The following LARGE1 variants were observed in gnomAD, a reference collection of about 807,000 sequenced individuals.
LARGE1 encodes xylosyl- and glucuronyltransferase LARGE1.
Under a neutral mutation model 87.6 loss-of-function variants are expected in LARGE1, and 43 were observed. The observed-to-expected ratio is 0.49, with a 90% CI of 0.38 to 0.63. The LOEUF is 0.63. Among genes scored for constraint, LARGE1 ranks in the 30% least tolerant of loss-of-function variants. The pLI, the probability that LARGE1 is intolerant of heterozygous loss-of-function variation, is 0.00. For synonymous variants in LARGE1, 434 were observed against 394.6 expected (o/e 1.10, Z -1.18); for missense variants, 802 against 1,000.2 (o/e 0.80, Z 2.67).
intron 6 of LARGE1, among the ~76,000 whole-genome samples, chr22:33,484,428 G>A (rs1405123163): frequency 6.6e-6 from 1 of 152,130 alleles, no homozygotes; most frequent in African/African-American, 2.4e-5. Context: ...AATGTTTCTG[G>A]AAAACAAATG....
In LARGE1 at chr22:33,537,134, C is replaced by G. The variant is rs557663152; in HGVS notation, c.787+27714G>C. ...TGAAAGGCCATTTAAAGAAGTGTGTCAGTTTTCCTATTCCTTCTGTACCAC... is the reference window on the plus strand; with the variant it reads ...TGAAAGGCCATTTAAAGAAGTGTGTGAGTTTTCCTATTCCTTCTGTACCAC... On this transcript the variant is annotated intron_variant, in intron 6 of 14. Transcript: ENST00000397394. Among the ~76,000 whole-genome samples, 4 of 152,320 alleles carry G rather than the reference C, an allele frequency of 2.6e-5. No individual in the cohort carries two copies. The East Asian group carries it at 7.7e-4, about 29-fold the overall frequency.
chr22:33,343,656 T>G (rs976981638), intron 9 of LARGE1, among the ~76,000 whole-genome samples: 1 of 152,142 alleles, frequency 6.6e-6, no homozygotes, highest in African/African-American at 2.4e-5. Flanking sequence ...ATGAATGTGA[T>G]TGTGGGATCA....
chr22:33,565,121 T>C, intron 5 of LARGE1, 102 bp from the exon 6 acceptor site: 1 of 1,038,650 alleles, frequency 9.6e-7, no homozygotes, highest in Admixed American at 2.1e-5. Flanking sequence ...ACACAAAAAG[T>C]ATCCAATAAA....
At chr22:33,106,676 A>G in the LARGE1 span, among the ~76,000 whole-genome samples, 2 of 152,062 alleles carry the variant, frequency 1.3e-5, no homozygotes, top group African/African-American at 2.4e-5. Flanking sequence ...TTGTATTATT[A>G]GTAGAAATGG....
intron 11 of LARGE1, among the ~76,000 whole-genome samples, chr22:33,190,166 C>T (rs1923703144): frequency 6.6e-6 from 1 of 151,956 alleles, no homozygotes; most frequent in Admixed American, 6.6e-5. Context: ...TTAGCAGCAG[C>T]TCAATAGTGC....
At chr22:33,829,077 C>T (rs1268326086) in intron 1 of LARGE1, among the ~76,000 whole-genome samples, 3 of 137,102 alleles carry the variant, frequency 2.2e-5, no homozygotes, top group Admixed American at 8.5e-5. Context: ...GGCGTGATCT[C>T]GGCTCACTGC....
At chr22:33,706,716 T>C (rs1451932897) in intron 2 of LARGE1, among the ~76,000 whole-genome samples, 16 of 152,248 alleles carry the variant, frequency 1.1e-4, no homozygotes, top group Admixed American at 1.0e-3. Flanking sequence ...ATAGCTAACC[T>C]ACCTTCTTAG....
Position 33,834,059 on chromosome 22 carries a change from C to T in LARGE1, c.-82-72501G>A, listed in dbSNP as rs560330807. 3.9e-5 allele frequency among the ~76,000 whole-genome samples: 6 copies of T among 152,192 alleles called. No homozygotes were observed. In the East Asian group the frequency reaches 7.7e-4, roughly 20 times the overall value. On this transcript the variant is annotated intron_variant, in intron 1 of 14. Transcript: ENST00000397394. ...TAACTTACTGGAGCCACTCAGCCAC[C>T]GAGTGGGAAAGCTGGGATTCAAGGT...
chr22:33,535,197 G>A (rs1320573800), intron 6 of LARGE1, among the ~76,000 whole-genome samples: 4 of 152,188 alleles, frequency 2.6e-5, no homozygotes, highest in Non-Finnish European at 4.4e-5. Flanking sequence ...CCCTATCTGT[G>A]CACAATGAAG....
chr22:33,337,417 T>G (rs1601503297), intron 10 of LARGE1, among the ~76,000 whole-genome samples: 1 of 152,256 alleles, frequency 6.6e-6, no homozygotes, highest in East Asian at 1.9e-4. Context: ...CACTTCTGAC[T>G]TCACCTCGTC....
At chr22:33,251,562 G>C (rs1277815921) in intron 11 of LARGE1, among the ~76,000 whole-genome samples, 1 of 152,110 alleles carries the variant, frequency 6.6e-6, no homozygotes, top group African/African-American at 2.4e-5. Context: ...CTGAAGATGT[G>C]TTAAACTTAT....
intron 9 of LARGE1, among the ~76,000 whole-genome samples, chr22:33,363,372 G>A (rs1440837753): frequency 2.7e-5 from 4 of 149,978 alleles, no homozygotes; most frequent in Non-Finnish European, 5.9e-5. Context: ...AAGGTGAAAG[G>A]CATGGCTTAC....
chr22:33,278,542 A>ATCTCTCTCTCTCTC (rs369492393), intron 13 of LARGE1, among the ~76,000 whole-genome samples: 1 of 145,758 alleles, frequency 6.9e-6, no homozygotes, highest in African/African-American at 2.7e-5. Flanking sequence ...ACTATTTTAA[A>ATCTCTCTCTCTCTC]TCTCTCTCTC....
At chr22:33,203,663 G>T (rs759428281) in intron 11 of LARGE1, among the ~76,000 whole-genome samples, 3 of 152,276 alleles carry the variant, frequency 2.0e-5, no homozygotes, top group Admixed American at 6.5e-5. Flanking sequence ...AAAAACCCAC[G>T]AGGAACTGCC....
chr22:33,413,850 T>C (rs921766394), intron 7 of LARGE1, among the ~76,000 whole-genome samples: 1 of 152,202 alleles, frequency 6.6e-6, no homozygotes, highest in Non-Finnish European at 1.5e-5. Context: ...ATGCCATCCA[T>C]GTTGTCACAG....
At chr22:33,150,336 G>A in the LARGE1 span, among the ~76,000 whole-genome samples, 1 of 151,834 alleles carries the variant, frequency 6.6e-6, no homozygotes, top group Non-Finnish European at 1.5e-5. Context: ...TCAGCTGCAA[G>A]CCCCCGATTA....
chr22:33,324,305 C>CCCA (rs1412068977), intron 10 of LARGE1, among the ~76,000 whole-genome samples: 3 of 117,408 alleles, frequency 2.6e-5, no homozygotes, highest in Admixed American at 2.4e-4. Context: ...ACCCCCCCCC[C>CCCA]AAAACAAACA....
At chr22:33,634,447 CTG>C (rs1422035391) in intron 3 of LARGE1, among the ~76,000 whole-genome samples, 1 of 152,168 alleles carries the variant, frequency 6.6e-6, no homozygotes, top group Non-Finnish European at 1.5e-5. Context: ...CACATGTTAA[CTG>C]TGATTATTTT....
At chr22:33,811,724 G>T (rs997546313) in intron 1 of LARGE1, among the ~76,000 whole-genome samples, 9 of 152,150 alleles carry the variant, frequency 5.9e-5, no homozygotes, top group Non-Finnish European at 1.0e-4. Context: ...CTAGAGGCAA[G>T]AAGAAGTAAT....
Sources: allele counts gnomAD v4.1 joint callset (sites outside exome capture counted in the v4.1 genomes callset), GRCh38; gene constraint gnomAD v4.1.1; transcripts MANE v1.5; gene names NCBI Gene and HGNC (gene_info 2026-07-23, HGNC 2026-07-21).